Variants in PDE8B observed in about 807,000 individuals in gnomAD.
PDE8B encodes high affinity cAMP-specific and IBMX-insensitive 3',5'-cyclic phosphodiesterase 8B.
A neutral mutation model predicts 101.3 loss-of-function variants in PDE8B; 26 were observed. The observed-to-expected ratio is 0.26, with a 90% confidence interval of 0.19 to 0.36. PDE8B has a LOEUF of 0.36. Among genes scored for constraint, PDE8B ranks in the 10% least tolerant of loss-of-function variants. The probability of loss-of-function intolerance (pLI) is 1.00; values close to 1 mark genes in which losing one functional copy is unlikely to be tolerated. For missense variants in PDE8B, 810 were observed against 1,163.1 expected, an observed-to-expected ratio of 0.70 and a Z score of 4.42; for synonymous variants, 424 against 429.3, an observed-to-expected ratio of 0.99 and a Z score of 0.15.
intron 18 of PDE8B, among the ~76,000 whole-genome samples, chr5:77,419,024 G>A (rs982727167): frequency 2.0e-5 from 3 of 152,208 alleles, no homozygotes; most frequent in African/African-American, 7.2e-5. Flanking sequence ...AGAACATGGA[G>A]CTCACTCGGG....
intron 2 of PDE8B, among the ~76,000 whole-genome samples, chr5:77,312,295 G>A (rs956288100): frequency 1.3e-5 from 2 of 151,822 alleles, no homozygotes; most frequent in Admixed American, 1.3e-4. Flanking sequence ...ATAGTGATGG[G>A]GTTTCACCAT....
chr5:77,225,355 A>C (rs1371111727), intron 1 of PDE8B, among the ~76,000 whole-genome samples: 1 of 152,198 alleles, frequency 6.6e-6, no homozygotes, highest in African/African-American at 2.4e-5. Flanking sequence ...GTCATAGTCC[A>C]TTGCAGTTAT....
chr5:77,414,597 T>C (rs1795165304), intron 17 of PDE8B, among the ~76,000 whole-genome samples: 1 of 151,460 alleles, frequency 6.6e-6, no homozygotes, highest in African/African-American at 2.4e-5. Context: ...ATTTTTTTTT[T>C]TTTTTTGTAT....
chr5:77,422,081 T>C (rs551676003), intron 20 of PDE8B, 93 bp downstream of exon 20: 2 of 1,348,638 alleles, frequency 1.5e-6, no homozygotes, highest in South Asian at 1.2e-5. Context: ...GAGTAACTTT[T>C]TACCAATTAG....
At chr5:77,315,648 CTA>C (rs1465742160) in intron 2 of PDE8B, among the ~76,000 whole-genome samples, 7 of 152,136 alleles carry the variant, frequency 4.6e-5, no homozygotes, top group East Asian at 3.8e-4. Context: ...AATTTTGTGA[CTA>C]TGTGATCTAT....
At chr5:77,360,657 T>C (rs905716439) in intron 10 of PDE8B, among the ~76,000 whole-genome samples, 1 of 152,204 alleles carries the variant, frequency 6.6e-6, no homozygotes, top group Non-Finnish European at 1.5e-5. Context: ...CTTGCTAGAA[T>C]AGAATCCCTG....
At chr5:77,335,572 AG>A in intron 5 of PDE8B, among the ~76,000 whole-genome samples, 2 of 150,308 alleles carry the variant, frequency 1.3e-5, no homozygotes. Flanking sequence ...TGTGAGAGAG[AG>A]AGGAAGGAGT....
chr5:77,426,265 T>C (rs1450028189), intron 21 of PDE8B, 180 bp from the exon 22 acceptor site: 2 of 641,348 alleles, frequency 3.1e-6, no homozygotes, highest in Non-Finnish European at 5.6e-6. Flanking sequence ...GATAAGCAGC[T>C]TTTCAAAAAG....
At chr5:77,197,965 A>T in the PDE8B span, among the ~76,000 whole-genome samples, 1 of 151,104 alleles carries the variant, frequency 6.6e-6, no homozygotes. Flanking sequence ...TTCTGTTTCT[A>T]TTGATTTTCC....
intron 10 of PDE8B, among the ~76,000 whole-genome samples, chr5:77,363,640 A>G (rs1471197019): frequency 6.7e-6 from 1 of 148,802 alleles, no homozygotes; most frequent in African/African-American, 2.5e-5. Flanking sequence ...TGAATCCAGG[A>G]GGCGGAGGTT....
the PDE8B span, among the ~76,000 whole-genome samples, chr5:77,129,475 T>C: frequency 6.6e-6 from 1 of 152,014 alleles, no homozygotes; most frequent in Admixed American, 6.5e-5. Flanking sequence ...ACATATTGAA[T>C]GAGTGATCAC....
the PDE8B span, chr5:77,100,333 G>C: frequency 6.6e-6 from 1 of 152,226 alleles, no homozygotes; most frequent in Non-Finnish European, 1.5e-5. Flanking sequence ...CAGTTGAATG[G>C]ATGGCCAGGA....
chr5:77,343,841 A>G (rs1779657845), intron 6 of PDE8B, among the ~76,000 whole-genome samples: 1 of 95,174 alleles, frequency 1.1e-5, no homozygotes, highest in South Asian at 3.5e-4. Flanking sequence ...TCTTTATAAC[A>G]TTATTCTGTT....
At chr5:77,332,511 A>G (rs990966720) in intron 5 of PDE8B, among the ~76,000 whole-genome samples, 4 of 152,212 alleles carry the variant, frequency 2.6e-5, no homozygotes, top group Non-Finnish European at 4.4e-5. Flanking sequence ...GTAACTAGGC[A>G]TACCCAGTGT....
chr5:77,268,221 T>G (rs1411282002), intron 1 of PDE8B, among the ~76,000 whole-genome samples: 1 of 152,166 alleles, frequency 6.6e-6, no homozygotes, highest in Non-Finnish European at 1.5e-5. Context: ...TTGTTTTAAA[T>G]TTTTAATTTT....
intron 10 of PDE8B, among the ~76,000 whole-genome samples, chr5:77,381,034 G>A (rs978625774): frequency 5.3e-5 from 8 of 152,180 alleles, no homozygotes; most frequent in African/African-American, 1.9e-4. Flanking sequence ...AGCCAGGATG[G>A]CCTGCAAGCT....
At chr5:77,123,980 G>A in the PDE8B span, among the ~76,000 whole-genome samples, 1 of 152,204 alleles carries the variant, frequency 6.6e-6, no homozygotes, top group African/African-American at 2.4e-5. Flanking sequence ...GCAACAGTTT[G>A]AAGTGGGGCT....
At chr5:77,296,920 T>A (rs1370097660) in intron 1 of PDE8B, among the ~76,000 whole-genome samples, 1 of 152,208 alleles carries the variant, frequency 6.6e-6, no homozygotes, top group Non-Finnish European at 1.5e-5. Context: ...GGTCTTCTGC[T>A]GTGAGTGATG....
At chr5:77,223,351 A>G (rs911194744) in intron 1 of PDE8B, among the ~76,000 whole-genome samples, 1 of 148,630 alleles carries the variant, frequency 6.7e-6, no homozygotes, top group Non-Finnish European at 1.5e-5. Context: ...GTCATTTAGC[A>G]TTAGGTATAT....
Sources: allele counts gnomAD v4.1 joint callset (sites outside exome capture counted in the v4.1 genomes callset), GRCh38; gene constraint gnomAD v4.1.1; transcripts MANE v1.5; gene names NCBI Gene and HGNC (gene_info 2026-07-23, HGNC 2026-07-21).